The following IMPA2 variants were observed in gnomAD, a reference collection of about 807,000 sequenced individuals.
IMPA2 encodes IMP 2.
A neutral mutation model predicts 35.1 loss-of-function variants in IMPA2; 32 were observed. That is an observed-to-expected ratio of 0.91 (90% CI 0.69 to 1.23). IMPA2 has a LOEUF of 1.23. Ranked by LOEUF, IMPA2 falls within the 50% of genes most tolerant of loss-of-function variation. IMPA2 has a pLI of 0.00. For synonymous variants in IMPA2, 135 were observed against 160.6 expected, an observed-to-expected ratio of 0.84 and a Z score of 1.20; for missense variants, 334 against 387.6, an observed-to-expected ratio of 0.86 and a Z score of 1.16.
In IMPA2 at chr18:11,999,186, A is replaced by G. The variant is rs928075270; in HGVS notation, c.229A>G (p.Arg77Gly). 13 of 1,613,152 alleles carry G rather than the reference A, an allele frequency of 8.1e-6. No homozygotes were observed. Among genetic ancestry groups the G allele is most frequent in the Non-Finnish European group, 1.0e-5 (12 of 1,179,438 alleles). Reference sequence around the variant, plus strand: ...GTTGCGAGAGAGGTTTCCTTCACACAGGTAGGTGTACTCCTCTGGGAAACA... The same window carrying G: ...GTTGCGAGAGAGGTTTCCTTCACACGGGTAGGTGTACTCCTCTGGGAAACA... ...SELRERFPSH[R>G]FIAEEAAASG... Residue 77 changes from arginine (R) to glycine (G), a missense_variant and splice_region_variant, in exon 2 of 8, where the codon AGG (arginine) becomes GGG (glycine). Arg to Gly is a moderately radical substitution (Grantham distance 125). Coordinates refer to ENST00000269159, the MANE Select transcript of IMPA2 (RefSeq NM_014214.3).
intron 5 of IMPA2, among the ~76,000 whole-genome samples, chr18:12,022,234 A>G (rs980818502): frequency 6.6e-6 from 1 of 152,118 alleles, no homozygotes; most frequent in Non-Finnish European, 1.5e-5. Context: ...ATTTGAAATT[A>G]AAAAGATATA....
intron 1 of IMPA2, among the ~76,000 whole-genome samples, chr18:11,983,776 T>G (rs1284152140): frequency 6.6e-6 from 1 of 152,112 alleles, no homozygotes; most frequent in Non-Finnish European, 1.5e-5. Flanking sequence ...CCTGAAGGTC[T>G]GCTGCTGGGA....
intron 5 of IMPA2, chr18:12,018,212 A>T (rs1907635347): frequency 6.6e-6 from 1 of 152,596 alleles, no homozygotes; most frequent in Admixed American, 6.5e-5. Flanking sequence ...AAGTATTGGG[A>T]TTACAGGCAT....
chr18:12,011,435 A>G (rs900512977), intron 3 of IMPA2, among the ~76,000 whole-genome samples: 5 of 152,222 alleles, frequency 3.3e-5, no homozygotes, highest in African/African-American at 1.2e-4. Context: ...GGCCTGGCAC[A>G]TGGTGCATTT....
At chr18:12,004,091 A>G (rs7234493) in intron 2 of IMPA2, among the ~76,000 whole-genome samples, 63,526 of 152,144 alleles carry the variant, frequency 0.42, 15,635 homozygotes, top group African/African-American at 0.66. Context: ...ATCAAACAGA[A>G]TCCTTGACAT....
At chr18:12,015,892 T>C (rs1907563911) in intron 5 of IMPA2, among the ~76,000 whole-genome samples, 1 of 152,166 alleles carries the variant, frequency 6.6e-6, no homozygotes, top group South Asian at 2.1e-4. Flanking sequence ...ATTAACATGC[T>C]CTTGGCATCC....
At chr18:11,983,377 T>A (rs1906561606) in intron 1 of IMPA2, among the ~76,000 whole-genome samples, 1 of 152,220 alleles carries the variant, frequency 6.6e-6, no homozygotes, top group African/African-American at 2.4e-5. Flanking sequence ...GTAAAACTTT[T>A]CTTCCTTGAG....
intron 5 of IMPA2, among the ~76,000 whole-genome samples, chr18:12,025,190 G>A (rs370523025): frequency 3.9e-5 from 6 of 152,176 alleles, no homozygotes; most frequent in East Asian, 1.9e-4. Flanking sequence ...AGGTTCATCC[G>A]TATCTTGTCA....
chr18:11,999,309 C>T, intron 2 of IMPA2, 122 bp downstream of exon 2: 1 of 850,794 alleles, frequency 1.2e-6, no homozygotes, highest in East Asian at 2.8e-5. Flanking sequence ...AAGCCCTAAG[C>T]CACGCAGCCT....
At chr18:12,004,390 TATA>T (rs1907197067) in intron 2 of IMPA2, among the ~76,000 whole-genome samples, 1 of 152,246 alleles carries the variant, frequency 6.6e-6, no homozygotes, top group Non-Finnish European at 1.5e-5. Flanking sequence ...TGCAGTAGGA[TATA>T]ATATTCTATA....
intron 5 of IMPA2, among the ~76,000 whole-genome samples, chr18:12,018,601 T>C (rs1335454935): frequency 6.6e-6 from 1 of 152,244 alleles, no homozygotes; most frequent in Non-Finnish European, 1.5e-5. Context: ...TTAAAACATT[T>C]ATTAATTCAT....
At chr18:12,029,117 T>TTTG (rs1907972217) in intron 7 of IMPA2, 124 bp downstream of exon 7, 1 of 890,470 alleles carries the variant, frequency 1.1e-6, no homozygotes, top group African/African-American at 1.9e-5. Context: ...TGTTTTTTTT[T>TTTG]TTTTTTTTTT....
chr18:12,007,647 C>CTTTCTTTCTTTCTT (rs1568032894), intron 2 of IMPA2, among the ~76,000 whole-genome samples: 1 of 101,766 alleles, frequency 9.8e-6, no homozygotes, highest in Non-Finnish European at 1.9e-5. Flanking sequence ...TTCTTTCTTT[C>CTTTCTTTCTTTCTT]TTTCTTTCTT....
At chr18:11,986,924 A>C (rs1359962286) in intron 1 of IMPA2, among the ~76,000 whole-genome samples, 1 of 152,200 alleles carries the variant, frequency 6.6e-6, no homozygotes, top group African/African-American at 2.4e-5. Context: ...TCAGCCCGGC[A>C]GTGTATTCCT....
Position 11,992,173 on chromosome 18 carries a change from C to T in IMPA2, c.97-6881C>T, listed in dbSNP as rs146065717. 1.5e-3 allele frequency among the ~76,000 whole-genome samples: 230 copies of T among 152,348 alleles called. 2 individuals are homozygous for T. The highest frequency in any genetic ancestry group is 5.3e-3 in the African/African-American group (221 of 41,596). ...AATGTCTGACCAAGTATCTGCGCTC[C>T]ACGTAGCTCAGTCAAGTTGACACAT... is the stretch of plus-strand genomic sequence containing the variant. On this transcript the variant is annotated intron_variant, in intron 1 of 7. Transcript: ENST00000269159.
chr18:12,025,659 A>G (rs1907861582), intron 5 of IMPA2, among the ~76,000 whole-genome samples: 1 of 152,226 alleles, frequency 6.6e-6, no homozygotes, highest in Non-Finnish European at 1.5e-5. Flanking sequence ...GGCTAACCGC[A>G]ACGTCTGTCT....
intron 4 of IMPA2, among the ~76,000 whole-genome samples, chr18:12,013,401 C>A (rs564316497): frequency 6.6e-6 from 1 of 152,330 alleles, no homozygotes; most frequent in East Asian, 1.9e-4. Context: ...AAAGCGTTGA[C>A]TGAATGACGC....
At chr18:11,983,048 C>T (rs1906552244) in intron 1 of IMPA2, among the ~76,000 whole-genome samples, 1 of 152,174 alleles carries the variant, frequency 6.6e-6, no homozygotes, top group South Asian at 2.1e-4. Context: ...ATCTGCAATA[C>T]TAAGTAGACT....
In IMPA2 at chr18:12,030,358, T is replaced by G; in HGVS notation, c.767T>G (p.Leu256Arg). The G allele has an allele frequency of 1.9e-6, 3 of 1,614,208 alleles. No individual in the cohort carries two copies. Among genetic ancestry groups the G allele is most frequent in the Non-Finnish European group, 2.5e-6 (3 of 1,180,010 alleles). Residue 256 changes from leucine (L) to arginine (R), a missense_variant, in exon 8 of 8, where the codon CTC (leucine) becomes CGC (arginine). By Grantham distance (102) the Leu-to-Arg change is moderately radical. Transcript: ENST00000269159. The part of the protein sequence containing the change: ...VIDTSGGPLD[L>R]MACRVVAAST... ...CTGTCCCCAGGTGGACCCCTCGACC[T>G]CATGGCTTGCAGAGTGGTTGCGGCC...
Sources: allele counts gnomAD v4.1 joint callset (sites outside exome capture counted in the v4.1 genomes callset), GRCh38; gene constraint gnomAD v4.1.1; transcripts MANE v1.5; gene names NCBI Gene and HGNC (gene_info 2026-07-23, HGNC 2026-07-21).